Variants in DLD observed in about 807,000 individuals in gnomAD.
DLD encodes the protein dihydrolipoamide dehydrogenase, also known as dihydrolipoyl dehydrogenase, mitochondrial.
DLD carries 36 observed loss-of-function variants against 62.2 expected under a neutral mutation model. The observed-to-expected ratio is 0.58, with a 90% CI of 0.44 to 0.76. The LOEUF (loss-of-function observed/expected upper bound fraction) is 0.76, where lower values mean the gene tolerates loss of function less well. DLD is among the 30% of genes least tolerant of loss of function. The probability of loss-of-function intolerance (pLI) is 0.00; values close to 1 mark genes in which losing one functional copy is unlikely to be tolerated. For missense variants in DLD, 541 were observed against 608.6 expected (o/e 0.89, Z 1.17); for synonymous variants, 204 against 199.6 (o/e 1.02, Z -0.19).
chr7:107,914,664 G>A (rs2032224172), intron 8 of DLD, among the ~76,000 whole-genome samples: 1 of 152,102 alleles, frequency 6.6e-6, no homozygotes, highest in Admixed American at 6.6e-5. Context: ...TTTAGGGAAG[G>A]TAAACTTTTA....
Position 107,904,945 on chromosome 7 carries a change from G to T in DLD, c.338-13G>T. On this transcript the variant is annotated splice_polypyrimidine_tract_variant and intron_variant, in intron 5 of 13. Coordinates refer to ENST00000205402, the MANE Select transcript of DLD (RefSeq NM_000108.5). ...TTTAGCTAAGAACTAAAGATTAATT[G>T]AACAAATTACAGTGTCCGAAGTTCG... 1 of 1,597,918 alleles carries T rather than the reference G, an allele frequency of 6.3e-7. No individual in the cohort carries two copies. Among genetic ancestry groups the T allele is most frequent in the South Asian group, 1.1e-5 (1 of 90,582 alleles).
intron 9 of DLD, among the ~76,000 whole-genome samples, chr7:107,916,121 A>G (rs1196487353): frequency 6.6e-6 from 1 of 152,218 alleles, no homozygotes; most frequent in Non-Finnish European, 1.5e-5. Context: ...TAGTATTTAA[A>G]TAGTTTAATG....
At chr7:107,901,094 A>G (rs2031863683) in intron 2 of DLD, among the ~76,000 whole-genome samples, 1 of 152,154 alleles carries the variant, frequency 6.6e-6, no homozygotes, top group Admixed American at 6.5e-5. Context: ...GGTATGTAAA[A>G]ATTATCAATA....
intron 2 of DLD, among the ~76,000 whole-genome samples, chr7:107,894,484 A>G (rs968910763): frequency 2.0e-5 from 3 of 152,242 alleles, no homozygotes; most frequent in African/African-American, 7.2e-5. Context: ...TGAACAGGTC[A>G]AGAAATCCTT....
chr7:107,915,707 A>G lies in DLD; in HGVS notation c.875+11A>G. On this transcript the variant is annotated intron_variant, in intron 9 of 13. Transcript: ENST00000205402. ...AAAAATTGATGTTTCGTAAGTATAC[A>G]TCATTTGTTTTTGATGTATCATCCC... is the stretch of plus-strand genomic sequence containing the variant. The G allele has an allele frequency of 1.2e-6, 2 of 1,611,890 alleles. No individual in the cohort carries two copies. The highest frequency in any genetic ancestry group is 1.3e-5 in the African/African-American group (1 of 74,998).
chr7:107,904,955 C>T lies in DLD; in HGVS notation c.338-3C>T. The T allele has an allele frequency of 1.2e-6, 2 of 1,607,530 alleles. No homozygotes were observed. The highest frequency in any genetic ancestry group is 1.7e-6 in the Non-Finnish European group (2 of 1,174,894). ...AACTAAAGATTAATTGAACAAATTA[C>T]AGTGTCCGAAGTTCGCTTGAATTTA... On this transcript the variant is annotated splice_region_variant and splice_polypyrimidine_tract_variant and intron_variant, in intron 5 of 13. Transcript: ENST00000205402.
At chr7:107,898,782 C>A (rs181162198) in intron 2 of DLD, among the ~76,000 whole-genome samples, 1 of 150,888 alleles carries the variant, frequency 6.6e-6, no homozygotes, top group African/African-American at 2.4e-5. Flanking sequence ...TTAGTAGAGA[C>A]GGGGTTTGGT....
At chr7:107,914,194 C>T (rs559539178) in intron 8 of DLD, among the ~76,000 whole-genome samples, 13 of 152,160 alleles carry the variant, frequency 8.5e-5, no homozygotes, top group Admixed American at 7.9e-4. Flanking sequence ...CGTGCCATCT[C>T]TATATCTTCC....
At chr7:107,897,574 CTTTTTTTT>C (rs35546358) in intron 2 of DLD, among the ~76,000 whole-genome samples, 1 of 111,352 alleles carries the variant, frequency 9.0e-6, no homozygotes, top group Non-Finnish European at 1.8e-5. Flanking sequence ...TGTAGACTGA[CTTTTTTTT>C]TTTTTTTTTT....
At position 107,919,602 on chromosome 7, in the gene DLD, A is replaced by G. The variant is rs2032359234; in HGVS notation, c.*343A>G. On this transcript the variant is annotated 3_prime_UTR_variant, in exon 14 of 14. Coordinates refer to ENST00000205402, the MANE Select transcript of DLD (RefSeq NM_000108.5). ...CTGATACAGAAAAGTTGAATTTTAC[A>G]TGGCTGGAGCTAGAATTTGATATGT... 1 of 219,890 alleles carries G rather than the reference A, an allele frequency of 4.5e-6. No homozygotes were observed. The highest frequency in any genetic ancestry group is 5.3e-5 in the Admixed American group (1 of 18,964). 13.6% of individuals were successfully genotyped at this position (219,890 alleles called of 1,614,324 possible).
At chr7:107,915,033 G>A (rs2032233581) in intron 8 of DLD, among the ~76,000 whole-genome samples, 1 of 152,170 alleles carries the variant, frequency 6.6e-6, no homozygotes. Flanking sequence ...TAACTGGGTA[G>A]TTCATTGCCT....
rs779157829 is a variant in DLD, at chr7:107,917,013, A to C, written c.1046+49A>C. 26 of 1,584,680 alleles carry C rather than the reference A, an allele frequency of 1.6e-5. No homozygotes were observed. In the East Asian group the frequency reaches 5.4e-4, roughly 33 times the overall value. On this transcript the variant is annotated intron_variant, in intron 10 of 13. Transcript: ENST00000205402. ...TTTCAGTAATTTTAAAATTGATTTC[A>C]AACAGTATTTTGAAAAGTAAGATTT...
rs759943123 is a variant in DLD at position 107,918,112 on chromosome 7, G to A, written c.1374+51G>A. On this transcript the variant is annotated intron_variant, in intron 12 of 13. Coordinates refer to ENST00000205402, the MANE Select transcript of DLD (RefSeq NM_000108.5). ...CCCATTAAGATTTCTAGAAAGCATTGCTGTTTATTAATTATAAACCACCTG... is the reference window on the plus strand; with the variant it reads ...CCCATTAAGATTTCTAGAAAGCATTACTGTTTATTAATTATAAACCACCTG... 5 of 1,608,810 alleles carry A rather than the reference G, an allele frequency of 3.1e-6. No homozygotes were observed. In the African/African-American group the frequency reaches 5.4e-5, roughly 17 times the overall value.
chr7:107,915,392 T>C (rs1255923849), intron 8 of DLD, 114 bp from the exon 9 acceptor site: 4 of 1,125,478 alleles, frequency 3.6e-6, no homozygotes, highest in Non-Finnish European at 5.2e-6. Context: ...GAGCTTCTCA[T>C]AGGAACATAC....
Position 107,902,322 on chromosome 7 carries a change from T to C in DLD, c.199-3T>C. The C allele has an allele frequency of 6.2e-7, 1 of 1,613,226 alleles. No individual in the cohort carries two copies. Among genetic ancestry groups the C allele is most frequent in the East Asian group, 2.2e-5 (1 of 44,800 alleles). The stretch of plus-strand genomic sequence containing the variant: ...AGTTAAATAATGTTTTCTTTGGTTG[T>C]AGACAGTCTGCATTGAGAAAAATGA... On this transcript the variant is annotated splice_polypyrimidine_tract_variant and splice_region_variant and intron_variant, in intron 3 of 13. Coordinates refer to ENST00000205402, the MANE Select transcript of DLD (RefSeq NM_000108.5).
At position 107,903,645 on chromosome 7, in the gene DLD, T is replaced by C. The variant is rs565303362; in HGVS notation, c.337+98T>C. On this transcript the variant is annotated intron_variant, in intron 5 of 13. Transcript: ENST00000205402. ...GTGTCTAACGTACGCATAATAGATG[T>C]TTAGTGAAGGAAGAGTAAAATAAAT... The C allele has an allele frequency of 4.5e-6, 3 of 670,420 alleles. No individual in the cohort carries two copies. In the African/African-American group the frequency reaches 5.4e-5, roughly 12 times the overall value. The allele number at this position is 670,420 out of a possible 1,614,324, so 41.5% of individuals were successfully genotyped here.
Position 107,916,047 on chromosome 7 carries a change from ATACTT to A in DLD, c.875+354_875+358del, listed in dbSNP as rs2032261221. Among the ~76,000 whole-genome samples, 3 of 152,340 alleles carry A rather than the reference ATACTT, an allele frequency of 2.0e-5. 1 individual carries two copies. The highest frequency in any genetic ancestry group is 4.1e-4 in the South Asian group (2 of 4,832). ...ATATGTCTGGTACTCTACTGATTAA[ATACTT>A]TAATGGCATTTAACTTATTGAATTA... On this transcript the variant is annotated intron_variant, in intron 9 of 13. Coordinates refer to ENST00000205402, the MANE Select transcript of DLD (RefSeq NM_000108.5).
chr7:107,918,195 C>G, intron 12 of DLD, 134 bp downstream of exon 12: 1 of 949,356 alleles, frequency 1.1e-6, no homozygotes, highest in Non-Finnish European at 1.7e-6. Flanking sequence ...CTCTGTGCAT[C>G]ATTTCTAGAA....
At chr7:107,910,720 TTTAATACATTTAAAACAC>T in intron 8 of DLD, among the ~76,000 whole-genome samples, 1 of 152,310 alleles carries the variant, frequency 6.6e-6, no homozygotes, top group East Asian at 1.9e-4. Context: ...ATTGCTGGGA[TTTAATACATTTAAAACAC>T]TTAATGCAGT....
Sources: allele counts gnomAD v4.1 joint callset (sites outside exome capture counted in the v4.1 genomes callset), GRCh38; gene constraint gnomAD v4.1.1; transcripts MANE v1.5; gene names NCBI Gene and HGNC (gene_info 2026-07-23, HGNC 2026-07-21).